The following DPP10 variants were observed in gnomAD, a reference collection of about 807,000 sequenced individuals.
DPP10 encodes dipeptidyl peptidase like 10, also known as inactive dipeptidyl peptidase 10.
In DPP10, 33 loss-of-function variants were observed where a neutral mutation model predicts 120.9. The ratio of observed to expected loss-of-function variants is 0.27; its 90% confidence interval spans 0.21 to 0.37. The LOEUF (loss-of-function observed/expected upper bound fraction) is 0.37. Among genes scored for constraint, DPP10 ranks in the 10% least tolerant of loss-of-function variants. DPP10 has a pLI of 1.00. For synonymous variants in DPP10, 337 were observed against 326.1 expected (o/e 1.03, Z -0.36); for missense variants, 816 against 942.8 (o/e 0.87, Z 1.76).
intron 6 of DPP10, 48 bp from the exon 7 acceptor site, chr2:115,689,792 G>A (rs368782288): frequency 1.2e-6 from 2 of 1,608,724 alleles, no homozygotes; most frequent in Non-Finnish European, 1.7e-6. Flanking sequence ...CTAAATTGTT[G>A]GTGTAGATAT....
At chr2:114,466,171 G>C (rs1198745002) in intron 1 of DPP10, among the ~76,000 whole-genome samples, 1 of 152,144 alleles carries the variant, frequency 6.6e-6, no homozygotes, top group Non-Finnish European at 1.5e-5. Context: ...AAACTTGTTT[G>C]GGAGAGAATA....
chr2:115,781,638 AT>A (rs1191997985), intron 16 of DPP10, among the ~76,000 whole-genome samples: 2 of 151,988 alleles, frequency 1.3e-5, no homozygotes, highest in South Asian at 4.1e-4. Flanking sequence ...CAGCTGATAT[AT>A]TAAGCTGTCC....
chr2:115,730,493 G>A (rs1044293247), intron 8 of DPP10, among the ~76,000 whole-genome samples: 1 of 152,148 alleles, frequency 6.6e-6, no homozygotes, highest in Non-Finnish European at 1.5e-5. Flanking sequence ...GGTGATAAAA[G>A]GTGGTCTGTA....
At chr2:115,682,828 G>C (rs2090748383) in intron 5 of DPP10, among the ~76,000 whole-genome samples, 1 of 151,802 alleles carries the variant, frequency 6.6e-6, no homozygotes. Context: ...TTTACAGTTA[G>C]AGAGTATTTC....
chr2:114,617,033 C>A (rs1043804081), intron 1 of DPP10, among the ~76,000 whole-genome samples: 1 of 152,052 alleles, frequency 6.6e-6, no homozygotes, highest in African/African-American at 2.4e-5. Flanking sequence ...TAAATACCAC[C>A]AGTTAACATC....
chr2:114,799,860 T>A (rs910654673), intron 1 of DPP10, among the ~76,000 whole-genome samples: 2 of 152,162 alleles, frequency 1.3e-5, no homozygotes, highest in African/African-American at 4.8e-5. Flanking sequence ...AGGTTTCCAT[T>A]TGAAATTTAA....
intron 1 of DPP10, among the ~76,000 whole-genome samples, chr2:114,820,181 C>T (rs935733014): frequency 6.6e-6 from 1 of 152,166 alleles, no homozygotes; most frequent in Non-Finnish European, 1.5e-5. Context: ...TGCAAGATGA[C>T]TTACAGACCT....
At chr2:115,129,931 G>A (rs1442449936) in intron 1 of DPP10, among the ~76,000 whole-genome samples, 1 of 152,164 alleles carries the variant, frequency 6.6e-6, no homozygotes, top group Non-Finnish European at 1.5e-5. Context: ...GCTGAGGCAC[G>A]TGGTATATAG....
At chr2:115,100,290 C>T (rs2048617086) in intron 1 of DPP10, among the ~76,000 whole-genome samples, 1 of 152,000 alleles carries the variant, frequency 6.6e-6, no homozygotes. Flanking sequence ...TATAAACACC[C>T]TTAAAGAAAT....
chr2:115,586,020 G>T (rs909888754), intron 5 of DPP10, among the ~76,000 whole-genome samples: 1 of 152,014 alleles, frequency 6.6e-6, no homozygotes, highest in African/African-American at 2.4e-5. Flanking sequence ...CTAGTCATTT[G>T]TTCTTAAAAA....
At position 115,495,906 on chromosome 2, in the gene DPP10, C is replaced by T. The variant is rs190949040; in HGVS notation, c.272-3604C>T. On this transcript the variant is annotated intron_variant, in intron 3 of 25. Coordinates refer to ENST00000410059, the MANE Select transcript of DPP10 (RefSeq NM_020868.6). Reference sequence around the variant, plus strand: ...AGTACCTTGTAGATATGCATAGTGCCATGCTTTAAGAATATTTCAAGTACT... The same window carrying T: ...AGTACCTTGTAGATATGCATAGTGCTATGCTTTAAGAATATTTCAAGTACT... 1.3e-3 allele frequency among the ~76,000 whole-genome samples: 193 copies of T among 152,178 alleles called. 2 individuals are homozygous for T. Among genetic ancestry groups the T allele is most frequent in the African/African-American group, 4.6e-3 (190 of 41,534 alleles).
At chr2:115,296,674 G>T (rs753890178) in intron 1 of DPP10, among the ~76,000 whole-genome samples, 5 of 151,996 alleles carry the variant, frequency 3.3e-5, no homozygotes, top group Non-Finnish European at 5.9e-5. Context: ...TTAGCATCTT[G>T]CACCACAGTG....
intron 1 of DPP10, among the ~76,000 whole-genome samples, chr2:114,620,313 T>G (rs758849280): frequency 6.6e-6 from 1 of 151,836 alleles, no homozygotes; most frequent in Non-Finnish European, 1.5e-5. Context: ...AGTAGATCGG[T>G]TTTTCTAAAA....
intron 1 of DPP10, among the ~76,000 whole-genome samples, chr2:114,912,969 C>T (rs1036379154): frequency 1.3e-5 from 2 of 152,190 alleles, no homozygotes; most frequent in Non-Finnish European, 2.9e-5. Flanking sequence ...TGGCTTTAGC[C>T]TGTGTTGGCT....
chr2:115,153,794 A>C (rs1278318291), intron 1 of DPP10, among the ~76,000 whole-genome samples: 4 of 152,188 alleles, frequency 2.6e-5, no homozygotes, highest in African/African-American at 9.7e-5. Flanking sequence ...CCTAAGTTGC[A>C]TAAAAATACT....
In DPP10 at chr2:114,751,526, T is replaced by C. The variant is rs537157998; in HGVS notation, c.60+308688T>C. Reference sequence around the variant, plus strand: ...AAAAGAAGTTTGGCCAGAAATTTAATGCAGATCTGAAAAGGTTGCTAGCGA... The same window carrying C: ...AAAAGAAGTTTGGCCAGAAATTTAACGCAGATCTGAAAAGGTTGCTAGCGA... On this transcript the variant is annotated intron_variant, in intron 1 of 25. Coordinates refer to ENST00000410059, the MANE Select transcript of DPP10 (RefSeq NM_020868.6). Among the ~76,000 whole-genome samples, 4 of 152,272 alleles carry C rather than the reference T, an allele frequency of 2.6e-5. No individual in the cohort carries two copies. In the South Asian group the frequency reaches 8.3e-4, roughly 32 times the overall value.
chr2:114,858,951 T>C (rs77961601), intron 1 of DPP10, among the ~76,000 whole-genome samples: 14 of 152,220 alleles, frequency 9.2e-5, no homozygotes, highest in Middle Eastern at 3.4e-3. Context: ...GCATATCCCA[T>C]CCTTTGTTTG....
chr2:115,308,618 T>G (rs1259118714), intron 1 of DPP10, among the ~76,000 whole-genome samples: 3 of 151,832 alleles, frequency 2.0e-5, no homozygotes, highest in Admixed American at 2.0e-4. Context: ...TCCAATATCA[T>G]GCATGTTGCC....
chr2:114,462,167 A>T (rs890136419), intron 1 of DPP10: 2 of 984,558 alleles, frequency 2.0e-6, no homozygotes, highest in East Asian at 2.3e-4. Context: ...AAAAATACAC[A>T]TTAAAGTCTT....
Sources: allele counts gnomAD v4.1 joint callset (sites outside exome capture counted in the v4.1 genomes callset), GRCh38; gene constraint gnomAD v4.1.1; transcripts MANE v1.5; gene names NCBI Gene and HGNC (gene_info 2026-07-23, HGNC 2026-07-21).